Variants in ROBO2 observed in about 807,000 individuals in gnomAD.
ROBO2 encodes the protein roundabout homolog 2.
Under a neutral mutation model 160.8 loss-of-function variants are expected in ROBO2, and 53 were observed. The observed-to-expected ratio is 0.33, with a 90% CI of 0.26 to 0.41. The LOEUF (loss-of-function observed/expected upper bound fraction) is 0.41, where lower values mean the gene tolerates loss of function less well. Among genes scored for constraint, ROBO2 ranks in the 10% least tolerant of loss-of-function variants. ROBO2 has a pLI of 1.00. For synonymous variants in ROBO2, 664 were observed against 611.7 expected (o/e 1.09, Z -1.26); for missense variants, 1,577 against 1,722.4 (o/e 0.92, Z 1.49).
intron 5 of ROBO2, among the ~76,000 whole-genome samples, chr3:77,506,725 A>G (rs1461686631): frequency 6.6e-6 from 1 of 152,152 alleles, no homozygotes; most frequent in Admixed American, 6.5e-5. Flanking sequence ...TGCTGATTTC[A>G]TGGAAAAAAT....
At chr3:76,858,549 C>T (rs2070388048) in intron 2 of ROBO2, among the ~76,000 whole-genome samples, 2 of 152,188 alleles carry the variant, frequency 1.3e-5, no homozygotes, top group Non-Finnish European at 1.5e-5. Context: ...CAAGCGTGAG[C>T]CACGGCACCT....
exon 12 of ROBO2, chr3:77,565,061 C>A (rs762706045): frequency 2.5e-6 from 4 of 1,613,700 alleles, no homozygotes; most frequent in Non-Finnish European, 3.4e-6. Flanking sequence ...ATGGTCAGAG[C>A]GATCAACCCC....
chr3:77,268,982 T>A (rs1156811065), intron 2 of ROBO2, among the ~76,000 whole-genome samples: 1 of 152,220 alleles, frequency 6.6e-6, no homozygotes, highest in African/African-American at 2.4e-5. Flanking sequence ...AGCTTGCTAG[T>A]ACAGTGTTCA....
intron 2 of ROBO2, among the ~76,000 whole-genome samples, chr3:76,676,171 T>A (rs937141968): frequency 1.3e-5 from 2 of 152,078 alleles, no homozygotes; most frequent in African/African-American, 4.8e-5. Context: ...GTAATCCGAA[T>A]TATAATCCCC....
At chr3:76,393,989 C>T (rs1183032338) in intron 2 of ROBO2, among the ~76,000 whole-genome samples, 1 of 152,088 alleles carries the variant, frequency 6.6e-6, no homozygotes, top group Non-Finnish European at 1.5e-5. Context: ...GTAGATCTTC[C>T]TCCATCCTTT....
intron 2 of ROBO2, among the ~76,000 whole-genome samples, chr3:76,134,628 A>G (rs1023481299): frequency 1.3e-5 from 2 of 152,056 alleles, no homozygotes; most frequent in African/African-American, 2.4e-5. Context: ...GAAAAAGATC[A>G]TAAGCTTCAC....
At chr3:77,376,148 A>G (rs2072615555) in intron 2 of ROBO2, among the ~76,000 whole-genome samples, 1 of 131,688 alleles carries the variant, frequency 7.6e-6, no homozygotes, top group Non-Finnish European at 1.5e-5. Context: ...ATAGGCATTT[A>G]ACTTTCTTTT....
At chr3:76,585,153 T>G (rs2085953663) in intron 2 of ROBO2, among the ~76,000 whole-genome samples, 1 of 152,240 alleles carries the variant, frequency 6.6e-6, no homozygotes, top group Non-Finnish European at 1.5e-5. Flanking sequence ...CCTTGCTGTC[T>G]TTCTGTTCAT....
At chr3:76,565,644 C>T (rs1288965038) in intron 2 of ROBO2, among the ~76,000 whole-genome samples, 2 of 152,184 alleles carry the variant, frequency 1.3e-5, no homozygotes, top group African/African-American at 4.8e-5. Context: ...ATCTCATCTC[C>T]TGGGCCTTTA....
At chr3:76,442,589 G>T (rs1259246978) in intron 2 of ROBO2, among the ~76,000 whole-genome samples, 1 of 152,122 alleles carries the variant, frequency 6.6e-6, no homozygotes, top group Admixed American at 6.6e-5. Context: ...GTTACCTGAA[G>T]TCTACTACTG....
chr3:76,839,881 T>C (rs2068059959), intron 2 of ROBO2, among the ~76,000 whole-genome samples: 1 of 152,338 alleles, frequency 6.6e-6, no homozygotes, highest in Middle Eastern at 3.4e-3. Flanking sequence ...TATTTCTTCA[T>C]GGATAAATCT....
At chr3:76,362,163 GA>G (rs1235986513) in intron 2 of ROBO2, among the ~76,000 whole-genome samples, 16 of 152,044 alleles carry the variant, frequency 1.1e-4, no homozygotes, top group Non-Finnish European at 1.6e-4. Flanking sequence ...CCAGGAGTTT[GA>G]GACCAGCCTG....
At chr3:76,220,924 C>G (rs760061928) in intron 2 of ROBO2, among the ~76,000 whole-genome samples, 1 of 152,166 alleles carries the variant, frequency 6.6e-6, no homozygotes, top group Non-Finnish European at 1.5e-5. Context: ...GGTTGTAGAA[C>G]TTGCAGGGTG....
intron 2 of ROBO2, among the ~76,000 whole-genome samples, chr3:76,455,326 A>T (rs945921470): frequency 2.0e-5 from 3 of 152,152 alleles, no homozygotes; most frequent in African/African-American, 7.2e-5. Context: ...TTAAACCACC[A>T]TAGAAAAGAG....
chr3:77,151,689 A>G (rs2077559077), intron 2 of ROBO2, among the ~76,000 whole-genome samples: 1 of 152,188 alleles, frequency 6.6e-6, no homozygotes, highest in African/African-American at 2.4e-5. Context: ...ACACATTTTT[A>G]AATCAGAGAA....
At chr3:76,711,691 C>T (rs1296480835) in intron 2 of ROBO2, among the ~76,000 whole-genome samples, 3 of 152,258 alleles carry the variant, frequency 2.0e-5, no homozygotes, top group Admixed American at 6.5e-5. Context: ...GATAGCCACA[C>T]GGTGCTGGGC....
chr3:77,371,796 G>A lies in ROBO2; in HGVS notation c.389-105618G>A, dbSNP rs376533367. Among the ~76,000 whole-genome samples the A allele has an allele frequency of 3.9e-5, 6 of 152,050 alleles. No homozygotes were observed. The East Asian group carries it at 7.7e-4, about 20-fold the overall frequency. ...GCCATTTGGGTCATGATTTTTATCCGGGACCAGGCATGTGTTACCGTTAAA... is the reference window on the plus strand; with the variant it reads ...GCCATTTGGGTCATGATTTTTATCCAGGACCAGGCATGTGTTACCGTTAAA... On this transcript the variant is annotated intron_variant, in intron 2 of 25. Coordinates refer to ENST00000461745, the Ensembl canonical transcript of ROBO2.
intron 2 of ROBO2, among the ~76,000 whole-genome samples, chr3:77,362,383 A>G (rs2070157651): frequency 6.6e-6 from 1 of 152,158 alleles, no homozygotes; most frequent in East Asian, 1.9e-4. Context: ...GAAAGATTCA[A>G]ACTAAACCAA....
intron 1 of ROBO2, among the ~76,000 whole-genome samples, chr3:77,078,339 CCTGT>C (rs1325630338): frequency 1.3e-5 from 2 of 152,184 alleles, no homozygotes; most frequent in Admixed American, 6.5e-5. Context: ...GTCCCAAACA[CCTGT>C]CTAAGTATGC....
Sources: gnomAD v4.1 joint callset for allele counts (sites outside exome capture counted in the v4.1 genomes callset) on GRCh38, gnomAD v4.1.1 for gene constraint, MANE v1.5 for transcripts, NCBI Gene and HGNC (gene_info 2026-07-23, HGNC 2026-07-21) for gene names.